SLC25A23: variants seen among roughly 807,000 people sequenced by gnomAD.
The protein encoded by SLC25A23 is mitochondrial adenyl nucleotide antiporter SLC25A23.
In SLC25A23, 32 loss-of-function variants were observed where a neutral mutation model predicts 53.9. The observed-to-expected ratio is 0.59, with a 90% CI of 0.45 to 0.80. The LOEUF (loss-of-function observed/expected upper bound fraction) is 0.80, where lower values mean the gene tolerates loss of function less well. SLC25A23 is among the 30% of genes least tolerant of loss of function. The pLI, the probability that SLC25A23 is intolerant of heterozygous loss-of-function variation, is 0.00. For synonymous variants in SLC25A23, 275 were observed against 264.5 expected (o/e 1.04, Z -0.38); for missense variants, 575 against 651.4 (o/e 0.88, Z 1.28).
downstream of SLC25A23, among the ~76,000 whole-genome samples, chr19:6,439,399 TCACACACACACACACA>T (rs57370920): frequency 8.1e-5 from 10 of 123,986 alleles, no homozygotes; most frequent in Admixed American, 7.8e-4. Context: ...TCTCTCTCTC[TCACACACACACACACA>T]CACACACACA....
At chr19:6,452,658 C>T (rs755654026) in intron 7 of SLC25A23, 179 bp from the exon 8 acceptor site, 113 of 660,934 alleles carry the variant, frequency 1.7e-4, no homozygotes, top group Non-Finnish European at 2.5e-4. Flanking sequence ...GAAATAGTTA[C>T]ACCTACCAAA....
At chr19:6,447,011 C>T (rs1421679391) in intron 8 of SLC25A23, among the ~76,000 whole-genome samples, 5 of 149,960 alleles carry the variant, frequency 3.3e-5, no homozygotes, top group Non-Finnish European at 7.4e-5. Flanking sequence ...TGGGAACAAG[C>T]AGAAACTGAA....
At chr19:6,437,366 C>T (rs2092338957), downstream of SLC25A23, among the ~76,000 whole-genome samples, 1 of 152,052 alleles carries the variant, frequency 6.6e-6, no homozygotes, top group South Asian at 2.1e-4. Flanking sequence ...TGAACTTTGT[C>T]CCCCAAAAAG....
downstream of SLC25A23, among the ~76,000 whole-genome samples, chr19:6,436,973 C>T (rs191548): frequency 0.45 from 67,905 of 151,770 alleles, 16,042 homozygotes; most frequent in Non-Finnish European, 0.53. Flanking sequence ...CTCAGCCTTC[C>T]GAGTAGCTGG....
rs753034405 is a variant in SLC25A23 at position 6,453,969 on chromosome 19, CCT to C, written c.903+10_903+11del. The stretch of plus-strand genomic sequence containing the variant: ...CTGCCATGGGGCCTCCGCTGGGGTC[CCT>C]CCTTCTCACCTCCATAGGGTAAATG... On this transcript the variant is annotated intron_variant, in intron 7 of 9. Transcript: ENST00000301454. 2 of 1,605,420 alleles carry C rather than the reference CCT, an allele frequency of 1.2e-6. No homozygotes were observed. The highest frequency in any genetic ancestry group is 8.5e-7 in the Non-Finnish European group (1 of 1,175,354).
At chr19:6,445,108 C>T (rs533193581) in intron 8 of SLC25A23, among the ~76,000 whole-genome samples, 1 of 145,550 alleles carries the variant, frequency 6.9e-6, no homozygotes, top group East Asian at 2.1e-4. Flanking sequence ...TGGCACAAGG[C>T]CCCTTCTTTT....
chr19:6,439,696 G>C (rs1025333820), downstream of SLC25A23, among the ~76,000 whole-genome samples: 9 of 151,788 alleles, frequency 5.9e-5, no homozygotes, highest in Non-Finnish European at 1.3e-4. Flanking sequence ...CGGGCGTGGT[G>C]GTGGGTGCCT....
intron 8 of SLC25A23, 33 bp from the exon 9 acceptor site, chr19:6,444,334 G>A: frequency 2.6e-6 from 4 of 1,529,764 alleles, no homozygotes; most frequent in Non-Finnish European, 3.6e-6. Context: ...GAGGGTTGGG[G>A]TGGGTGACCC....
chr19:6,451,970 G>A (rs1352067607), intron 8 of SLC25A23, among the ~76,000 whole-genome samples: 1 of 151,718 alleles, frequency 6.6e-6, no homozygotes, highest in Non-Finnish European at 1.5e-5. Flanking sequence ...CAATTCTCAT[G>A]CCTCGGCCTT....
intron 7 of SLC25A23, among the ~76,000 whole-genome samples, 184 bp downstream of exon 7, chr19:6,453,797 T>C (rs961864060): frequency 6.6e-6 from 1 of 152,188 alleles, no homozygotes; most frequent in Admixed American, 6.5e-5. Flanking sequence ...TCCCCAGAAA[T>C]TATATCTCAG....
chr19:6,457,057 TTTTC>T (rs986649946), intron 3 of SLC25A23, among the ~76,000 whole-genome samples: 10 of 141,476 alleles, frequency 7.1e-5, no homozygotes, highest in African/African-American at 2.5e-4. Flanking sequence ...CAATTTGAAT[TTTTC>T]TTTCTTTTTT....
intron 4 of SLC25A23, chr19:6,455,879 T>C (rs4807870): frequency 0.57 from 292,604 of 515,156 alleles, 87,940 homozygotes; most frequent in Non-Finnish European, 0.65. Context: ...CCACTACACC[T>C]GGCTCATTTT....
chr19:6,452,549 T>G, intron 7 of SLC25A23, 70 bp from the exon 8 acceptor site: 1 of 1,508,430 alleles, frequency 6.6e-7, no homozygotes, highest in Non-Finnish European at 8.9e-7. Flanking sequence ...TGAAGACACC[T>G]AGAAATAGCT....
At chr19:6,446,591 C>G (rs549551594) in intron 8 of SLC25A23, among the ~76,000 whole-genome samples, 1 of 152,312 alleles carries the variant, frequency 6.6e-6, no homozygotes, top group East Asian at 1.9e-4. Context: ...CCAGATGCAA[C>G]CTTCAAAAGA....
downstream of SLC25A23, among the ~76,000 whole-genome samples, chr19:6,437,215 C>T (rs348338): frequency 0.43 from 65,632 of 151,682 alleles, 15,307 homozygotes; most frequent in Non-Finnish European, 0.53. Flanking sequence ...ACTGTGTTGC[C>T]CAGGCTGGTC....
downstream of SLC25A23, among the ~76,000 whole-genome samples, chr19:6,439,201 C>G (rs142621031): frequency 9.8e-4 from 149 of 152,130 alleles, 1 homozygote; most frequent in African/African-American, 3.2e-3. Context: ...GCCTGGGTGA[C>G]AGAGCGAGAC....
Position 6,442,086 on chromosome 19 carries a change from C to T in SLC25A23, c.1296G>A (p.Arg432=). 5 of 1,612,672 alleles carry T rather than the reference C, an allele frequency of 3.1e-6. No homozygotes were observed. Among genetic ancestry groups the T allele is most frequent in the Non-Finnish European group, 4.2e-6 (5 of 1,179,416 alleles). Residue 432 remains arginine (R), a synonymous_variant, in exon 10 of 10, where the codon CGG becomes CGA. Coordinates refer to ENST00000301454, the MANE Select transcript of SLC25A23 (RefSeq NM_024103.3). ...LRHILSQEGM[R]GLYRGIAPNF... is the part of the protein sequence containing the mutation. Reference sequence around the variant, plus strand: ...TGGGGGCGATCCCCCGGTAGAGGCCCCGCATGCCCTCCTGGGACAGGATGT... The same window carrying T: ...TGGGGGCGATCCCCCGGTAGAGGCCTCGCATGCCCTCCTGGGACAGGATGT...
intron 9 of SLC25A23, among the ~76,000 whole-genome samples, chr19:6,443,407 A>T (rs866767088): frequency 2.0e-4 from 31 of 152,114 alleles, no homozygotes; most frequent in Non-Finnish European, 2.6e-4. Flanking sequence ...TTCATTTTTT[A>T]AAAAAAGATG....
At chr19:6,443,784 C>G (rs928436956) in intron 9 of SLC25A23, 4 of 592,852 alleles carry the variant, frequency 6.7e-6, no homozygotes, top group Non-Finnish European at 1.2e-5. Flanking sequence ...AAAATACAGA[C>G]AAAAACAATA....
Sources: gnomAD v4.1 joint callset for allele counts (sites outside exome capture counted in the v4.1 genomes callset) on GRCh38, gnomAD v4.1.1 for gene constraint, MANE v1.5 for transcripts, NCBI Gene and HGNC (gene_info 2026-07-23, HGNC 2026-07-21) for gene names.